C2orf81: variants seen among roughly 807,000 people sequenced by gnomAD.
C2orf81 encodes the protein uncharacterized protein C2orf81.
Under a neutral mutation model 7.9 loss-of-function variants are expected in C2orf81, and 5 were observed. The observed-to-expected ratio is 0.63, with a 90% CI of 0.33 to 1.33. The LOEUF (loss-of-function observed/expected upper bound fraction) is 1.33. Among genes scored for constraint, C2orf81 ranks in the 40% most tolerant of loss-of-function variants. The pLI, the probability that C2orf81 is intolerant of heterozygous loss-of-function variation, is 0.05. For synonymous variants in C2orf81, 346 were observed against 367.4 expected, an observed-to-expected ratio of 0.94 and a Z score of 0.66; for missense variants, 781 against 830.4, an observed-to-expected ratio of 0.94 and a Z score of 0.73.
In C2orf81 at chr2:74,421,586, G is replaced by T; in HGVS notation, c.-26C>A. ...CGCCAACGCGGTCGCAGCAACGCTGGTGTTTCTGCTGCATCCGGGCCGCGT... is the reference window on the plus strand; with the variant it reads ...CGCCAACGCGGTCGCAGCAACGCTGTTGTTTCTGCTGCATCCGGGCCGCGT... On this transcript the variant is annotated 5_prime_UTR_variant, in exon 1 of 3. Coordinates refer to ENST00000684111, the MANE Select transcript of C2orf81 (RefSeq NM_001316764.3). The T allele has an allele frequency of 2.4e-6, 1 of 425,488 alleles. No homozygotes were observed. The highest frequency in any genetic ancestry group is 4.2e-6 in the Non-Finnish European group (1 of 239,236). The allele number at this position is 425,488 out of a possible 1,614,324, so 26.4% of individuals were successfully genotyped here.
At chr2:74,421,137 A>C (rs1026910925) in intron 1 of C2orf81, among the ~76,000 whole-genome samples, 3 of 152,196 alleles carry the variant, frequency 2.0e-5, no homozygotes, top group African/African-American at 7.2e-5. Flanking sequence ...TTTCAAGTGC[A>C]GTCTCTGAAT....
chr2:74,420,219 T>A (rs1676564711), intron 1 of C2orf81, among the ~76,000 whole-genome samples: 1 of 152,146 alleles, frequency 6.6e-6, no homozygotes, highest in Admixed American at 6.5e-5. Flanking sequence ...AGAGGATACG[T>A]TTCCTTCCTA....
chr2:74,419,167 C>A (rs963645510), intron 1 of C2orf81, among the ~76,000 whole-genome samples: 1 of 149,782 alleles, frequency 6.7e-6, no homozygotes, highest in Non-Finnish European at 1.5e-5. Flanking sequence ...GGTGACAGAG[C>A]GAGACTCTGT....
At position 74,414,649 on chromosome 2, in the gene C2orf81, T is replaced by C. The variant is rs1676388480; in HGVS notation, c.1528A>G (p.Lys510Glu). 2.6e-6 allele frequency: 4 copies of C among 1,549,596 alleles called. No homozygotes were observed. Among genetic ancestry groups the C allele is most frequent in the Non-Finnish European group, 3.5e-6 (4 of 1,145,714 alleles). ...CACAGCTCGCCCAGCAGCTCGGCCT[T>C]CCCCTCCCAACCGCTGGGCCACCTG... ...SVRWPSGWEG[K>E]AELLGELWAG... The change falls in exon 3 of 3, where the codon AAG becomes GAG. Residue 510 changes from lysine (K) to glutamate (E), a missense_variant. Transcript: ENST00000684111. This position sits in a 1 kb window ranked among gnomAD's most constrained non-coding sequence, Gnocchi z 5.3.
chr2:74,417,076 C>T lies in C2orf81; in HGVS notation c.19-835G>A, dbSNP rs182533831. On this transcript the variant is annotated intron_variant, in intron 1 of 2. Coordinates refer to ENST00000684111, the MANE Select transcript of C2orf81 (RefSeq NM_001316764.3). ...GTAACCTGGGGGAGGGGATCATGGG[C>T]AGAACAGGAGGCAATGTGGATGAAC... is the stretch of plus-strand genomic sequence containing the variant. 2.6e-3 allele frequency among the ~76,000 whole-genome samples: 395 copies of T among 152,310 alleles called. 1 individual carries two copies. The highest frequency in any genetic ancestry group is 3.6e-3 in the Non-Finnish European group (247 of 68,034).
Position 74,415,570 on chromosome 2 carries a change from G to T in C2orf81, c.607C>A (p.Arg203=). 6.4e-7 allele frequency: 1 copy of T among 1,551,060 alleles called. No individual in the cohort carries two copies. Among genetic ancestry groups the T allele is most frequent in the South Asian group, 1.2e-5 (1 of 84,038 alleles). ...RIPLGRSWMG[R]GSQEQMESWE... is the part of the protein sequence containing the mutation. ...GATTCCATCTGCTCCTGGGAGCCTC[G>T]ACCCATCCACGACCTTCCTAAAGGG... Residue 203 remains arginine, a synonymous_variant, in exon 3 of 3, where the codon CGA becomes AGA. Coordinates refer to ENST00000684111, the MANE Select transcript of C2orf81 (RefSeq NM_001316764.3). The surrounding 1 kb of genome is among the most constrained non-coding windows in gnomAD (Gnocchi z 5.5).
rs1383289928 is a variant in C2orf81 at position 74,414,586 on chromosome 2, G to A, written c.1591C>T (p.Leu531=). ...GGATCCTGGCCCTCCCTGTCTGCCA[G>A]CTCCAGACCCTGTGGAGGCACGCGG... ...RTRVPPQGLE[L]ADREGQDPGR... The change falls in exon 3 of 3, where the codon CTG becomes TTG. Residue 531 remains leucine (L), a synonymous_variant. Coordinates refer to ENST00000684111, the MANE Select transcript of C2orf81 (RefSeq NM_001316764.3). The surrounding 1 kb of genome is among the most constrained non-coding windows in gnomAD (Gnocchi z 5.3). 1.3e-6 allele frequency: 2 copies of A among 1,547,466 alleles called. No homozygotes were observed. The highest frequency in any genetic ancestry group is 3.9e-5 in the Admixed American group (2 of 50,822).
chr2:74,416,040 A>G lies in C2orf81; in HGVS notation c.220T>C (p.Ser74Pro), dbSNP rs1264807058. 3.2e-6 allele frequency: 5 copies of G among 1,550,036 alleles called. No individual in the cohort carries two copies. In the African/African-American group the frequency reaches 6.8e-5, roughly 21 times the overall value. Residue 74 changes from serine to proline, a missense_variant, in exon 2 of 3, where the codon TCT becomes CCT. Physicochemically the swap from Ser to Pro is moderately conservative, Grantham distance 74. Coordinates refer to ENST00000684111, the MANE Select transcript of C2orf81 (RefSeq NM_001316764.3). ...TGAGTCAGGTAGACTTTGAAAGCAGAGTCCATGACTCGAGCCAGCAAGTCG... is the reference window on the plus strand; with the variant it reads ...TGAGTCAGGTAGACTTTGAAAGCAGGGTCCATGACTCGAGCCAGCAAGTCG... ...LADLLARVMD[S>P]AFKVYLTQQC...
In C2orf81 at chr2:74,415,491, T is replaced by G. The variant is rs756465511; in HGVS notation, c.686A>C (p.Glu229Ala). 6.5e-7 allele frequency: 1 copy of G among 1,542,820 alleles called. No homozygotes were observed. The highest frequency in any genetic ancestry group is 8.8e-7 in the Non-Finnish European group (1 of 1,140,448). The change falls in exon 3 of 3, where the codon GAG becomes GCG. Residue 229 changes from glutamate (E) to alanine (A), a missense_variant. Glu to Ala is a moderately radical substitution (Grantham distance 107). Transcript: ENST00000684111. This position sits in a 1 kb window ranked among gnomAD's most constrained non-coding sequence, Gnocchi z 5.5. The part of the protein sequence containing the change: ...RVTSAPPPTS[E>A]LFQEAGPGGP... Reference sequence around the variant, plus strand: ...TCCGGGCCCTGCCTCCTGAAACAGCTCTGATGTGGGAGGAGGGGCCGACGT... The same window carrying G: ...TCCGGGCCCTGCCTCCTGAAACAGCGCTGATGTGGGAGGAGGGGCCGACGT...
Position 74,414,971 on chromosome 2 carries a change from C to CA in C2orf81, c.1205dup (p.Leu402PhefsTer44). 1 of 1,548,656 alleles carries CA rather than the reference C, an allele frequency of 6.5e-7. No individual in the cohort carries two copies. Among genetic ancestry groups the CA allele is most frequent in the African/African-American group, 1.4e-5 (1 of 73,140 alleles). On this transcript the variant is annotated frameshift_variant, in exon 3 of 3. Coordinates refer to ENST00000684111, the MANE Select transcript of C2orf81 (RefSeq NM_001316764.3). LOFTEE classifies it low-confidence loss of function (END_TRUNC). The surrounding 1 kb of genome is among the most constrained non-coding windows in gnomAD (Gnocchi z 5.3). Reference sequence around the variant, plus strand: ...CCCGCTGGCGTCCGCGGTAGGCTTCCAAGGGGCGTGTTTGAGAGTCTGGGA... The same window carrying CA: ...CCCGCTGGCGTCCGCGGTAGGCTTCCAAAGGGGCGTGTTTGAGAGTCTGGGA...
chr2:74,417,071 A>G (rs72905463), intron 1 of C2orf81, among the ~76,000 whole-genome samples: 36,477 of 152,166 alleles, frequency 0.24, 6,228 homozygotes, highest in African/African-American at 0.47. Context: ...GGAGGGGATC[A>G]TGGGCAGAAC....
At chr2:74,420,304 T>G (rs1337804148) in intron 1 of C2orf81, among the ~76,000 whole-genome samples, 1 of 150,872 alleles carries the variant, frequency 6.6e-6, no homozygotes, top group Non-Finnish European at 1.5e-5. Context: ...AAAAAAAGAC[T>G]AGTCCCCAAA....
intron 1 of C2orf81, chr2:74,416,581 A>G (rs1198270028): frequency 2.2e-4 from 35 of 158,642 alleles, no homozygotes; most frequent in South Asian, 8.7e-4. Context: ...AAAAAAAAAA[A>G]AAAAAAAAGA....
intron 1 of C2orf81, among the ~76,000 whole-genome samples, chr2:74,416,842 T>TA (rs1037065222): frequency 3.3e-5 from 5 of 152,068 alleles, no homozygotes; most frequent in African/African-American, 1.2e-4. Context: ...TTTTTTTTTT[T>TA]AATTCAAGTA....
rs1676386850 is a variant in C2orf81, at chr2:74,414,620, A to G, written c.1557T>C (p.Ala519=). ...GKAELLGELW[A]GRTRVPPQGL... is the part of the protein sequence containing the mutation. ...CCTGTGGAGGCACGCGGGTCCGGCC[A>G]GCCCACAGCTCGCCCAGCAGCTCGG... Residue 519 remains alanine (A), a synonymous_variant, in exon 3 of 3, where the codon GCT becomes GCC. Coordinates refer to ENST00000684111, the MANE Select transcript of C2orf81 (RefSeq NM_001316764.3). This position sits in a 1 kb window ranked among gnomAD's most constrained non-coding sequence, Gnocchi z 5.3. 1.3e-6 allele frequency: 2 copies of G among 1,549,978 alleles called. No homozygotes were observed. Among genetic ancestry groups the G allele is most frequent in the Non-Finnish European group, 1.7e-6 (2 of 1,146,018 alleles).
intron 1 of C2orf81, chr2:74,416,591 A>G (rs1379431545): frequency 1.3e-5 from 2 of 154,694 alleles, no homozygotes; most frequent in Non-Finnish European, 2.8e-5. Context: ...AAAAAAAAAG[A>G]AAAAGAAAAA....
Position 74,414,445 on chromosome 2 carries a change from G to C in C2orf81, c.1732C>G (p.Arg578Gly). 3 of 1,551,260 alleles carry C rather than the reference G, an allele frequency of 1.9e-6. No individual in the cohort carries two copies. Among genetic ancestry groups the C allele is most frequent in the Non-Finnish European group, 8.7e-7 (1 of 1,146,728 alleles). ...KLAPGVSMWNRSTQVLLSSGV... is the reference protein window; with the variant it reads ...KLAPGVSMWNGSTQVLLSSGV... ...GAGCTGAGCAACACCTGGGTGCTCC[G>C]GTTCCACATGCTCACACCAGGGGCC... The change falls in exon 3 of 3, where the codon CGG becomes GGG. Residue 578 changes from arginine to glycine, a missense_variant. Physicochemically the swap from Arg to Gly is moderately radical, Grantham distance 125. Transcript: ENST00000684111. The surrounding 1 kb of genome is among the most constrained non-coding windows in gnomAD (Gnocchi z 5.3).
chr2:74,415,046 G>C lies in C2orf81; in HGVS notation c.1131C>G (p.Asp377Glu). 2 of 1,548,806 alleles carry C rather than the reference G, an allele frequency of 1.3e-6. No homozygotes were observed. The highest frequency in any genetic ancestry group is 1.7e-6 in the Non-Finnish European group (2 of 1,145,966). The change falls in exon 3 of 3, where the codon GAC becomes GAG. Residue 377 changes from aspartate to glutamate, a missense_variant. By Grantham distance (45) the Asp-to-Glu change is conservative. Coordinates refer to ENST00000684111, the MANE Select transcript of C2orf81 (RefSeq NM_001316764.3). This position sits in a 1 kb window ranked among gnomAD's most constrained non-coding sequence, Gnocchi z 5.5. ...CCCAGTGGCACGGGAGCCTCGCAGG[G>C]TCCAGGCGTTTCACGGCCGCCTTGC... ...MRRKAAVKRL[D>E]PARLPCHWVR... is the part of the protein sequence containing the mutation.
rs1289557903 is a variant in C2orf81, at chr2:74,414,904, G to A, written c.1273C>T (p.Pro425Ser). The A allele has an allele frequency of 6.5e-7, 1 of 1,545,444 alleles. No individual in the cohort carries two copies. Among genetic ancestry groups the A allele is most frequent in the Admixed American group, 2.0e-5 (1 of 50,742 alleles). Residue 425 changes from proline (P) to serine (S), a missense_variant, in exon 3 of 3, where the codon CCC becomes TCC. Physicochemically the swap from Pro to Ser is moderately conservative, Grantham distance 74 (BLOSUM62 -1). Transcript: ENST00000684111. The surrounding 1 kb of genome is among the most constrained non-coding windows in gnomAD (Gnocchi z 5.3). ...KARAEPQALG[P>S]GTRVSPAAFF... ...GCTGCCGGGGAGACACGGGTGCCGGGGCCGAGGGCTTGGGGTTCGGCCCGG... is the reference window on the plus strand; with the variant it reads ...GCTGCCGGGGAGACACGGGTGCCGGAGCCGAGGGCTTGGGGTTCGGCCCGG...
Sources: allele counts gnomAD v4.1 joint callset (sites outside exome capture counted in the v4.1 genomes callset), GRCh38; gene constraint gnomAD v4.1.1; non-coding constraint Gnocchi (gnomAD v3.1); transcripts MANE v1.5; gene names NCBI Gene and HGNC (gene_info 2026-07-23, HGNC 2026-07-21).